TRIO: variants seen among roughly 807,000 people sequenced by gnomAD.
TRIO encodes triple functional domain protein.
A neutral mutation model predicts 351.9 loss-of-function variants in TRIO; 58 were observed. The ratio of observed to expected loss-of-function variants is 0.16; its 90% CI spans 0.13 to 0.21. The LOEUF is 0.21. Ranked by LOEUF, TRIO falls within the 10% of genes least tolerant of loss-of-function variation. The pLI, the probability that TRIO is intolerant of heterozygous loss-of-function variation, is 1.00. For synonymous variants in TRIO, 1,758 were observed against 1,595.7 expected (o/e 1.10, Z -2.42); for missense variants, 3,201 against 4,027.8 (o/e 0.79, Z 5.56).
intron 11 of TRIO, among the ~76,000 whole-genome samples, chr5:14,357,039 T>A (rs1207197124): frequency 6.6e-6 from 1 of 152,188 alleles, no homozygotes; most frequent in Non-Finnish European, 1.5e-5. Context: ...TAGACAAATG[T>A]CAGAACTCAC....
At chr5:14,444,356 T>C (rs940974265) in intron 34 of TRIO, among the ~76,000 whole-genome samples, 2 of 152,252 alleles carry the variant, frequency 1.3e-5, no homozygotes, top group African/African-American at 4.8e-5. Context: ...TTGTTTCGAC[T>C]GTGAAGACTG....
chr5:14,406,800 G>A (rs975141973), intron 33 of TRIO, 128 bp downstream of exon 33: 22 of 880,666 alleles, frequency 2.5e-5, no homozygotes, highest in Middle Eastern at 6.9e-4. Context: ...TGCCAGGAGT[G>A]GTGCCAGGAT....
rs137876243 is a variant in TRIO, at chr5:14,357,250, C to T, written c.2047-928C>T. 4.1e-3 allele frequency among the ~76,000 whole-genome samples: 621 copies of T among 152,358 alleles called. 2 individuals carry two copies. Among genetic ancestry groups the T allele is most frequent in the African/African-American group, 0.014 (573 of 41,584 alleles). On this transcript the variant is annotated intron_variant, in intron 11 of 56. Coordinates refer to ENST00000344204, the MANE Select transcript of TRIO (RefSeq NM_007118.4). Reference sequence around the variant, plus strand: ...GGAGGTCCCGACTTGCCCCATCTCACCAGCTGAGCCGGCTGTCCCCACTAG... The same window carrying T: ...GGAGGTCCCGACTTGCCCCATCTCATCAGCTGAGCCGGCTGTCCCCACTAG...
intron 11 of TRIO, among the ~76,000 whole-genome samples, chr5:14,348,667 ATG>A (rs772383359): frequency 4.8e-5 from 7 of 144,410 alleles, no homozygotes; most frequent in East Asian, 1.9e-4. Context: ...CTGTGTGTAT[ATG>A]TGTGTGTACG....
intron 43 of TRIO, among the ~76,000 whole-genome samples, chr5:14,480,398 T>A (rs746982210): frequency 3.3e-5 from 5 of 152,248 alleles, no homozygotes; most frequent in Non-Finnish European, 7.3e-5. Flanking sequence ...AAAGTGAATT[T>A]TTTTTCCCCC....
chr5:14,279,686 A>G (rs1055850069), intron 2 of TRIO, among the ~76,000 whole-genome samples: 5 of 152,168 alleles, frequency 3.3e-5, no homozygotes, highest in African/African-American at 4.8e-5. Flanking sequence ...TGAGATTTGT[A>G]CTCTTAGTGT....
chr5:14,151,081 C>T (rs1002970404), intron 1 of TRIO, among the ~76,000 whole-genome samples: 2 of 152,132 alleles, frequency 1.3e-5, no homozygotes, highest in Non-Finnish European at 1.5e-5. Context: ...CCTCACAGTT[C>T]CTGGTGCGAA....
At chr5:14,418,854 A>G (rs1749863961) in intron 33 of TRIO, 1 of 152,344 alleles carries the variant, frequency 6.6e-6, no homozygotes, top group African/African-American at 2.4e-5. Context: ...TAATGAGCGC[A>G]TGAGCCCTGT....
chr5:14,224,812 C>A (rs950897935), intron 1 of TRIO, among the ~76,000 whole-genome samples: 22 of 151,764 alleles, frequency 1.4e-4, no homozygotes, highest in African/African-American at 5.3e-4. Context: ...ACAGGACATA[C>A]CACCAATTTT....
At chr5:14,376,993 G>A (rs1745617515) in intron 19 of TRIO, among the ~76,000 whole-genome samples, 1 of 152,118 alleles carries the variant, frequency 6.6e-6, no homozygotes, top group South Asian at 2.1e-4. Context: ...TGTGAACTTC[G>A]TATTTATAGG....
intron 45 of TRIO, among the ~76,000 whole-genome samples, chr5:14,482,218 C>A (rs1213134560): frequency 6.6e-6 from 1 of 152,158 alleles, no homozygotes; most frequent in Non-Finnish European, 1.5e-5. Flanking sequence ...GACGCACACA[C>A]AGAGGCCGTT....
chr5:14,319,706 A>T (rs2152308357), intron 9 of TRIO, among the ~76,000 whole-genome samples: 1 of 152,350 alleles, frequency 6.6e-6, no homozygotes. Context: ...TGGAATGATT[A>T]CAGTTTTATG....
chr5:14,403,298 GTGA>G (rs2152377504), intron 31 of TRIO, among the ~76,000 whole-genome samples: 1 of 136,890 alleles, frequency 7.3e-6, no homozygotes, highest in African/African-American at 2.9e-5. Flanking sequence ...GGTTGTGGTG[GTGA>G]GGGTGTAGGT....
intron 1 of TRIO, among the ~76,000 whole-genome samples, chr5:14,171,913 C>G (rs1001097807): frequency 2.2e-4 from 34 of 152,166 alleles, no homozygotes; most frequent in African/African-American, 7.5e-4. Flanking sequence ...TATACACACT[C>G]TTTTCCATTT....
chr5:14,236,431 C>CTCT (rs1247304947), intron 1 of TRIO, among the ~76,000 whole-genome samples: 1 of 152,156 alleles, frequency 6.6e-6, no homozygotes, highest in Non-Finnish European at 1.5e-5. Flanking sequence ...CCAAACGTAA[C>CTCT]TCTTGGGTTC....
chr5:14,389,703 G>T (rs1746877336), intron 25 of TRIO, among the ~76,000 whole-genome samples: 1 of 152,196 alleles, frequency 6.6e-6, no homozygotes, highest in South Asian at 2.1e-4. Context: ...ACTTCTGAGG[G>T]TTGAGAGACA....
chr5:14,505,837 T>C (rs1757637136), intron 55 of TRIO, among the ~76,000 whole-genome samples: 1 of 152,102 alleles, frequency 6.6e-6, no homozygotes, highest in African/African-American at 2.4e-5. Flanking sequence ...CTTTCAAGAA[T>C]AGAAAACACA....
chr5:14,414,972 A>T (rs1249701042), intron 33 of TRIO, among the ~76,000 whole-genome samples: 1 of 152,102 alleles, frequency 6.6e-6, no homozygotes, highest in Non-Finnish European at 1.5e-5. Flanking sequence ...CCTTTTTTGT[A>T]ACCATTGCTA....
intron 1 of TRIO, among the ~76,000 whole-genome samples, chr5:14,215,133 A>G (rs1287863487): frequency 6.6e-6 from 1 of 152,238 alleles, no homozygotes; most frequent in Admixed American, 6.5e-5. Flanking sequence ...GATTTCCTCT[A>G]CTTCTGTACT....
Sources: gnomAD v4.1 joint callset for allele counts (sites outside exome capture counted in the v4.1 genomes callset) on GRCh38, gnomAD v4.1.1 for gene constraint, MANE v1.5 for transcripts, NCBI Gene and HGNC (gene_info 2026-07-23, HGNC 2026-07-21) for gene names.